Variants in XPNPEP3 observed in about 807,000 individuals in gnomAD.
XPNPEP3 encodes xaa-Pro aminopeptidase 3.
A neutral mutation model predicts 60.0 loss-of-function variants in XPNPEP3; 41 were observed. That is an observed-to-expected ratio of 0.68 (90% CI 0.53 to 0.89). XPNPEP3 has a LOEUF of 0.89. Among genes scored for constraint, XPNPEP3 ranks in the 40% least tolerant of loss-of-function variants. XPNPEP3 has a pLI of 0.00. For synonymous variants in XPNPEP3, 212 were observed against 223.2 expected, an observed-to-expected ratio of 0.95 and a Z score of 0.45; for missense variants, 598 against 638.9, an observed-to-expected ratio of 0.94 and a Z score of 0.69.
chr22:40,912,159 T>G (rs1228097833), intron 6 of XPNPEP3, among the ~76,000 whole-genome samples: 1 of 152,150 alleles, frequency 6.6e-6, no homozygotes. Context: ...ATTATAAAAT[T>G]TTCTCAGTTT....
intron 4 of XPNPEP3, among the ~76,000 whole-genome samples, chr22:40,898,109 G>A (rs938673443): frequency 1.3e-4 from 20 of 149,814 alleles, no homozygotes; most frequent in Non-Finnish European, 2.1e-4. Context: ...TTTTGTTGTT[G>A]TTAACTGTGC....
intron 3 of XPNPEP3, 38 bp from the exon 4 acceptor site, chr22:40,886,275 T>C: frequency 6.3e-7 from 1 of 1,594,126 alleles, no homozygotes; most frequent in Non-Finnish European, 8.6e-7. Context: ...TTGCTGGTAG[T>C]TTTGTTTTAA....
rs71200626 is a variant in XPNPEP3 at position 40,898,225 on chromosome 22, A to AT, written c.793-9323dup. ...TGTTTTATGTTTAGGTCTTTGACCCATTTTTTTTTTTTTTTTTTTTTTTTT... is the reference window on the plus strand; with the variant it reads ...TGTTTTATGTTTAGGTCTTTGACCCATTTTTTTTTTTTTTTTTTTTTTTTTT... On this transcript the variant is annotated intron_variant, in intron 4 of 9. Coordinates refer to ENST00000357137, the MANE Select transcript of XPNPEP3 (RefSeq NM_022098.4). Among the ~76,000 whole-genome samples, 116 of 28,782 alleles carry AT rather than the reference A, an allele frequency of 4.0e-3. 50 individuals carry two copies. Among genetic ancestry groups the AT allele is most frequent in the African/African-American group, 7.6e-3 (48 of 6,278 alleles). 18.9% of individuals were successfully genotyped at this position (28,782 alleles called of 152,430 possible).
At chr22:40,862,617 G>A (rs183367222) in intron 1 of XPNPEP3, 4 of 985,430 alleles carry the variant, frequency 4.1e-6, no homozygotes. Context: ...GCTCAGGCTG[G>A]GGGTGTCAAT....
chr22:40,882,961 C>G (rs1429327835), intron 3 of XPNPEP3, among the ~76,000 whole-genome samples: 2 of 152,086 alleles, frequency 1.3e-5, no homozygotes, highest in African/African-American at 4.8e-5. Context: ...CAGTGGTGTA[C>G]GTCTGTAGTC....
At chr22:40,861,030 A>G (rs759227889) in intron 1 of XPNPEP3, 26 of 1,534,888 alleles carry the variant, frequency 1.7e-5, no homozygotes, top group Non-Finnish European at 2.2e-5. Flanking sequence ...AACACACACA[A>G]TTGTGTTCAA....
intron 3 of XPNPEP3, 120 bp downstream of exon 3, chr22:40,882,297 C>A (rs775136602): frequency 8.0e-5 from 88 of 1,105,720 alleles, no homozygotes; most frequent in Middle Eastern, 5.1e-4. Flanking sequence ...CCATGAGCAC[C>A]ATGAAAGAAA....
intron 2 of XPNPEP3, among the ~76,000 whole-genome samples, chr22:40,869,548 T>C (rs1194796341): frequency 5.9e-5 from 9 of 152,220 alleles, no homozygotes; most frequent in African/African-American, 1.4e-4. Context: ...AATTATCAAA[T>C]ATTTACTTTA....
At chr22:40,861,044 TTA>T in intron 1 of XPNPEP3, 1 of 1,555,630 alleles carries the variant, frequency 6.4e-7, no homozygotes, top group Non-Finnish European at 8.7e-7. Flanking sequence ...TGTTCAAATG[TTA>T]TATATTTGAA....
chr22:40,897,816 T>G (rs2058114946), intron 4 of XPNPEP3, among the ~76,000 whole-genome samples: 1 of 152,182 alleles, frequency 6.6e-6, no homozygotes, highest in Non-Finnish European at 1.5e-5. Flanking sequence ...TAGTTTTTAT[T>G]TGCATTTCAT....
At chr22:40,885,004 G>C (rs1029497227) in intron 3 of XPNPEP3, among the ~76,000 whole-genome samples, 2 of 151,642 alleles carry the variant, frequency 1.3e-5, no homozygotes, top group Admixed American at 1.3e-4. Flanking sequence ...CTCCAGCCTG[G>C]GTGACAGAGC....
intron 1 of XPNPEP3, chr22:40,861,546 A>C (rs754203519): frequency 1.9e-6 from 3 of 1,613,354 alleles, no homozygotes; most frequent in Admixed American, 3.3e-5. Flanking sequence ...ATATGAAGAA[A>C]ATTTCTCAAA....
chr22:40,902,477 C>T (rs1415815439), intron 4 of XPNPEP3, among the ~76,000 whole-genome samples: 1 of 152,090 alleles, frequency 6.6e-6, no homozygotes, highest in East Asian at 1.9e-4. Context: ...GTCTCGATCT[C>T]CTGACCTCGT....
chr22:40,918,541 G>T (rs2058204812), intron 7 of XPNPEP3, among the ~76,000 whole-genome samples: 1 of 151,818 alleles, frequency 6.6e-6, no homozygotes, highest in Non-Finnish European at 1.5e-5. Flanking sequence ...GAAATCAGCT[G>T]GGCATGGTGG....
At chr22:40,904,856 C>G (rs1256853962) in intron 4 of XPNPEP3, among the ~76,000 whole-genome samples, 1 of 151,984 alleles carries the variant, frequency 6.6e-6, no homozygotes, top group African/African-American at 2.4e-5. Context: ...CCTCCACCTT[C>G]CGGGTACAAG....
At chr22:40,915,760 C>T (rs1044076472) in intron 7 of XPNPEP3, among the ~76,000 whole-genome samples, 19 of 152,000 alleles carry the variant, frequency 1.3e-4, no homozygotes, top group African/African-American at 4.6e-4. Flanking sequence ...ACTCTGAGCC[C>T]CAAAATCTGC....
intron 4 of XPNPEP3, among the ~76,000 whole-genome samples, chr22:40,893,505 CAAAAAAAAAAAAA>C (rs764114832): frequency 2.5e-5 from 1 of 40,252 alleles, no homozygotes; most frequent in Non-Finnish European, 5.3e-5. Flanking sequence ...AACTCTATCT[CAAAAAAAAAAAAA>C]AAAAAAAAAA....
chr22:40,926,314 G>A lies in XPNPEP3; in HGVS notation c.1403G>A (p.Arg468Gln). ...EDDKDAPEKFRGLGVRIEDDV... is the reference protein window; with the variant it reads ...EDDKDAPEKFQGLGVRIEDDV... ...GACAAAGATGCCCCAGAGAAGTTTCGGGGTCTTGGTGTACGAATTGAGGAT... is the reference window on the plus strand; with the variant it reads ...GACAAAGATGCCCCAGAGAAGTTTCAGGGTCTTGGTGTACGAATTGAGGAT... Residue 468 changes from arginine to glutamine, a missense_variant, in exon 10 of 10, where the codon CGG becomes CAG. Coordinates refer to ENST00000357137, the MANE Select transcript of XPNPEP3 (RefSeq NM_022098.4). The A allele has an allele frequency of 3.1e-6, 5 of 1,614,036 alleles. No homozygotes were observed. The highest frequency in any genetic ancestry group is 2.2e-5 in the East Asian group (1 of 44,872).
chr22:40,922,983 G>A (rs1048072632), intron 8 of XPNPEP3, among the ~76,000 whole-genome samples: 1 of 152,170 alleles, frequency 6.6e-6, no homozygotes, highest in South Asian at 2.1e-4. Flanking sequence ...GTCTGGTGCC[G>A]ACAGGGTGAA....
Sources: gnomAD v4.1 joint callset for allele counts (sites outside exome capture counted in the v4.1 genomes callset) on GRCh38, gnomAD v4.1.1 for gene constraint, MANE v1.5 for transcripts, NCBI Gene and HGNC (gene_info 2026-07-23, HGNC 2026-07-21) for gene names.